REV3L: variants seen among roughly 807,000 people sequenced by gnomAD.
The protein encoded by REV3L is DNA polymerase zeta catalytic subunit.
Under a neutral mutation model 299.4 loss-of-function variants are expected in REV3L, and 69 were observed. The observed-to-expected ratio is 0.23, with a 90% CI of 0.19 to 0.28. The LOEUF is 0.28. Ranked by LOEUF, REV3L falls within the 10% of genes least tolerant of loss-of-function variation. REV3L has a pLI of 1.00. For synonymous variants in REV3L, 1,238 were observed against 1,271.4 expected (o/e 0.97, Z 0.56); for missense variants, 3,128 against 3,693.8 (o/e 0.85, Z 3.97).
chr6:111,395,847 T>G (rs1782443746), intron 4 of REV3L, among the ~76,000 whole-genome samples: 1 of 152,202 alleles, frequency 6.6e-6, no homozygotes, highest in Non-Finnish European at 1.5e-5. Flanking sequence ...ATGTTCATTA[T>G]TTGAGGTATG....
intron 26 of REV3L, among the ~76,000 whole-genome samples, chr6:111,320,256 T>C (rs898424270): frequency 3.2e-4 from 49 of 151,990 alleles, no homozygotes; most frequent in African/African-American, 1.2e-3. Context: ...TTAGTAGAGA[T>C]GGCGTTCTCC....
At chr6:111,395,216 T>C (rs987567046) in intron 4 of REV3L, among the ~76,000 whole-genome samples, 1 of 152,214 alleles carries the variant, frequency 6.6e-6, no homozygotes, top group African/African-American at 2.4e-5. Flanking sequence ...ACATGAAGTT[T>C]AGAATTTTTT....
chr6:111,299,294 A>AT lies in REV3L; in HGVS notation c.*721dup, dbSNP rs17540325. 10 of 152,594 alleles carry AT rather than the reference A, an allele frequency of 6.6e-5. No homozygotes were observed. Among genetic ancestry groups the AT allele is most frequent in the Non-Finnish European group, 1.5e-4 (10 of 68,012 alleles). The allele number at this position is 152,594 out of a possible 1,614,324, so 9.5% of individuals were successfully genotyped here. A position where few individuals can be genotyped will look rare whatever the true frequency, so the allele number is the denominator to read the frequency against. ...ATACAAAACAAGCAAATGGAATAAA[A>AT]TTTTTTATTTTTAAAGTATTGCAAC... is the stretch of plus-strand genomic sequence containing the variant. On this transcript the variant is annotated 3_prime_UTR_variant, in exon 32 of 32. Transcript: ENST00000368802.
chr6:111,308,329 T>TA (rs1364539388), intron 30 of REV3L: 3 of 446,030 alleles, frequency 6.7e-6, no homozygotes, highest in African/African-American at 6.1e-5. Context: ...ACATTAGTAA[T>TA]AAAGAATCTG....
At chr6:111,320,169 A>G (rs1041917398) in intron 26 of REV3L, among the ~76,000 whole-genome samples, 14 of 151,916 alleles carry the variant, frequency 9.2e-5, no homozygotes, top group Non-Finnish European at 1.5e-4. Context: ...CCCGGGTTCT[A>G]GCTATTCTCC....
chr6:111,368,603 T>C (rs1779460936), intron 13 of REV3L, among the ~76,000 whole-genome samples: 1 of 152,156 alleles, frequency 6.6e-6, no homozygotes, highest in South Asian at 2.1e-4. Flanking sequence ...AACACTGACA[T>C]AACTTAGGAG....
Position 111,374,156 on chromosome 6 carries a change from A to G in REV3L, c.4199T>C (p.Leu1400Ser). ...TTCTAGGGAATTGCGATATTCACTT[A>G]ACTTTCCGATTGATGACAAATAGTT... Reference protein sequence around the residue: ...QRNYLSSIGKLSEYRNSLESK... With the variant: ...QRNYLSSIGKSSEYRNSLESK... The change falls in exon 13 of 32, where the codon TTA (leucine) becomes TCA (serine). Residue 1400 changes from leucine (L) to serine (S), a missense_variant. Physicochemically the swap from Leu to Ser is moderately radical, Grantham distance 145. This residue lies in a region of REV3L where 2,409 missense variants were observed against 2,611.8 expected (regional missense o/e 0.92). Coordinates refer to ENST00000368802, the MANE Select transcript of REV3L (RefSeq NM_001372078.1). 2 of 1,614,084 alleles carry G rather than the reference A, an allele frequency of 1.2e-6. No homozygotes were observed. The highest frequency in any genetic ancestry group is 2.2e-5 in the East Asian group (1 of 44,886).
intron 1 of REV3L, among the ~76,000 whole-genome samples, chr6:111,436,653 G>C (rs938688499): frequency 2.6e-5 from 4 of 152,170 alleles, no homozygotes; most frequent in African/African-American, 7.2e-5. Context: ...GGGATGAAGA[G>C]AGGTTGATTA....
At chr6:111,425,382 C>T (rs981651533) in intron 1 of REV3L, among the ~76,000 whole-genome samples, 3 of 152,144 alleles carry the variant, frequency 2.0e-5, no homozygotes. Context: ...TGGCACGAAC[C>T]CGGCAGGCGG....
chr6:111,436,217 T>G (rs750482122), intron 1 of REV3L, among the ~76,000 whole-genome samples: 2 of 152,180 alleles, frequency 1.3e-5, no homozygotes, highest in Non-Finnish European at 2.9e-5. Context: ...GAATGTAAAT[T>G]AGTACAGTTA....
intron 1 of REV3L, among the ~76,000 whole-genome samples, chr6:111,477,244 A>G (rs1257914665): frequency 6.6e-6 from 1 of 152,244 alleles, no homozygotes; most frequent in East Asian, 1.9e-4. Flanking sequence ...TCCTTGCCAC[A>G]AATGAGTTCC....
chr6:111,431,105 T>C, intron 1 of REV3L: 1 of 1,508,126 alleles, frequency 6.6e-7, no homozygotes. Flanking sequence ...GATTCTGATT[T>C]AATCTATTCA....
chr6:111,472,785 CTT>C (rs999899820), intron 1 of REV3L, among the ~76,000 whole-genome samples: 1 of 151,734 alleles, frequency 6.6e-6, no homozygotes, highest in Non-Finnish European at 1.5e-5. Context: ...ATCTGGAAAA[CTT>C]AGAAGGAACG....
intron 1 of REV3L, among the ~76,000 whole-genome samples, chr6:111,482,378 C>T: frequency 6.6e-6 from 1 of 152,188 alleles, no homozygotes; most frequent in Non-Finnish European, 1.5e-5. Context: ...GCAGGCCCTA[C>T]GAACCCGTCC....
chr6:111,371,558 C>CTTT (rs1032722759), intron 13 of REV3L, among the ~76,000 whole-genome samples: 8 of 137,614 alleles, frequency 5.8e-5, no homozygotes, highest in Admixed American at 1.5e-4. Context: ...GCCCAGCTAT[C>CTTT]TTTTTTTTTT....
At chr6:111,475,633 CTT>C (rs1203947079) in intron 1 of REV3L, among the ~76,000 whole-genome samples, 1 of 152,098 alleles carries the variant, frequency 6.6e-6, no homozygotes, top group East Asian at 1.9e-4. Context: ...TATGAATTCT[CTT>C]TGCTAATTTT....
In REV3L at chr6:111,482,769, G is replaced by C; in HGVS notation, c.120C>G (p.Val40=). Residue 40 remains valine, a synonymous_variant, in exon 1 of 32, where the codon GTC becomes GTG. Transcript: ENST00000368802. The part of the protein sequence containing the change: ...APVKKVPVVR[V]FGATPAGQKT... The stretch of plus-strand genomic sequence containing the variant: ...GCTTACCTGCCGGGGTCGCTCCGAA[G>C]ACTCGCACCACCGGCACCTTCTTGA... 2.7e-6 allele frequency: 4 copies of C among 1,466,132 alleles called. No individual in the cohort carries two copies. The highest frequency in any genetic ancestry group is 3.6e-6 in the Non-Finnish European group (4 of 1,105,098). The allele number at this position is 1,466,132 out of a possible 1,614,324, so 90.8% of individuals were successfully genotyped here. A position where few individuals can be genotyped will look rare whatever the true frequency, so the allele number is the denominator to read the frequency against.
intron 1 of REV3L, chr6:111,430,205 A>G: frequency 1.2e-6 from 1 of 818,570 alleles, no homozygotes; most frequent in Non-Finnish European, 2.2e-6. Context: ...CTTTAGCCAA[A>G]CAAGAAGAAG....
At chr6:111,342,333 C>G (rs1472340590) in intron 21 of REV3L, among the ~76,000 whole-genome samples, 1 of 152,084 alleles carries the variant, frequency 6.6e-6, no homozygotes, top group Non-Finnish European at 1.5e-5. Flanking sequence ...GGTCTGTTGC[C>G]TCTGTGGGAA....
Sources: gnomAD v4.1 joint callset for allele counts (sites outside exome capture counted in the v4.1 genomes callset) on GRCh38, gnomAD v4.1.1 for gene constraint, gnomAD v4.1.1 regional missense constraint, MANE v1.5 for transcripts, NCBI Gene and HGNC (gene_info 2026-07-23, HGNC 2026-07-21) for gene names.